The following PLEKHA7 variants were observed in gnomAD, a reference collection of about 807,000 sequenced individuals.
PLEKHA7 encodes the protein pleckstrin homology domain containing A7.
A neutral mutation model predicts 170.0 loss-of-function variants in PLEKHA7; 104 were observed. The observed-to-expected ratio is 0.61, with a 90% CI of 0.52 to 0.72. The LOEUF (loss-of-function observed/expected upper bound fraction) is 0.72, where lower values mean the gene tolerates loss of function less well. Among genes scored for constraint, PLEKHA7 ranks in the 30% least tolerant of loss-of-function variants. PLEKHA7 has a pLI of 0.00. For missense variants in PLEKHA7, 1,615 were observed against 1,671.7 expected (o/e 0.97, Z 0.59); for synonymous variants, 648 against 660.8 (o/e 0.98, Z 0.30).
chr11:16,798,097 T>C (rs1171624846), intron 17 of PLEKHA7, among the ~76,000 whole-genome samples: 1 of 152,246 alleles, frequency 6.6e-6, no homozygotes, highest in East Asian at 1.9e-4. Flanking sequence ...TAGCCTTGAC[T>C]GAAAAGGCTA....
chr11:16,923,740 C>T (rs1859277266), intron 3 of PLEKHA7, among the ~76,000 whole-genome samples: 2 of 152,276 alleles, frequency 1.3e-5, no homozygotes, highest in South Asian at 4.1e-4. Flanking sequence ...CCACCCTATT[C>T]CCCACACTTC....
At chr11:16,865,419 T>C (rs1032305685) in intron 4 of PLEKHA7, among the ~76,000 whole-genome samples, 5 of 152,036 alleles carry the variant, frequency 3.3e-5, no homozygotes, top group African/African-American at 7.2e-5. Flanking sequence ...ACAGAAAAGG[T>C]CAAATGAGAA....
At chr11:16,953,567 G>A (rs963631773) in intron 3 of PLEKHA7, among the ~76,000 whole-genome samples, 3 of 152,130 alleles carry the variant, frequency 2.0e-5, no homozygotes, top group African/African-American at 7.2e-5. Flanking sequence ...TGCTTGACAG[G>A]TAGATTTCAT....
At chr11:16,868,628 C>G (rs1590398518) in intron 4 of PLEKHA7, among the ~76,000 whole-genome samples, 1 of 152,234 alleles carries the variant, frequency 6.6e-6, no homozygotes. Context: ...CTCCCTTCTT[C>G]TCAATGCCTA....
intron 3 of PLEKHA7, among the ~76,000 whole-genome samples, chr11:16,950,094 G>C (rs548324215): frequency 7.3e-6 from 1 of 136,378 alleles, no homozygotes; most frequent in Non-Finnish European, 1.6e-5. Context: ...CGGGGGGCGG[G>C]GGCGGAGCAC....
intron 3 of PLEKHA7, among the ~76,000 whole-genome samples, chr11:16,980,570 G>A (rs998449494): frequency 1.3e-5 from 2 of 152,228 alleles, no homozygotes; most frequent in Admixed American, 6.5e-5. Flanking sequence ...AGAACATGCT[G>A]TTCTTTGAGG....
chr11:16,953,267 C>G (rs770113793), intron 3 of PLEKHA7, among the ~76,000 whole-genome samples: 2 of 152,224 alleles, frequency 1.3e-5, no homozygotes, highest in Non-Finnish European at 2.9e-5. Flanking sequence ...AAACCTTGGT[C>G]TTTTTCACAG....
intron 17 of PLEKHA7, among the ~76,000 whole-genome samples, chr11:16,799,104 G>A (rs1446631618): frequency 1.3e-5 from 2 of 152,166 alleles, no homozygotes; most frequent in Non-Finnish European, 2.9e-5. Flanking sequence ...AATGAGTCTG[G>A]TGTAAATGAG....
chr11:16,917,725 C>G (rs1335456184), intron 3 of PLEKHA7, among the ~76,000 whole-genome samples: 1 of 152,230 alleles, frequency 6.6e-6, no homozygotes, highest in Non-Finnish European at 1.5e-5. Flanking sequence ...TATAAGGTAA[C>G]ATATTCACAG....
intron 4 of PLEKHA7, among the ~76,000 whole-genome samples, chr11:16,868,564 C>G (rs1236755299): frequency 1.3e-5 from 2 of 152,150 alleles, no homozygotes; most frequent in African/African-American, 4.8e-5. Context: ...TCCAGCACAG[C>G]CCCAGACACA....
chr11:16,970,510 T>TA lies in PLEKHA7; in HGVS notation c.221+43478dup, dbSNP rs557801592. ...CCTTGTCTCTGTAAAAAATAAAAAA[T>TA]AAAAAAAATAGCCAGATGTGGTGGT... On this transcript the variant is annotated intron_variant, in intron 3 of 26. Transcript: ENST00000531066. 1.3e-3 allele frequency among the ~76,000 whole-genome samples: 204 copies of TA among 151,270 alleles called. 1 individual carries two copies. Among genetic ancestry groups the TA allele is most frequent in the African/African-American group, 4.8e-3 (199 of 41,234 alleles).
intron 3 of PLEKHA7, among the ~76,000 whole-genome samples, chr11:16,994,662 G>A (rs1317329057): frequency 1.3e-5 from 2 of 152,146 alleles, no homozygotes; most frequent in Non-Finnish European, 2.9e-5. Flanking sequence ...CAGTGTCCTA[G>A]AACACGACAG....
At chr11:16,924,087 T>A (rs992577114) in intron 3 of PLEKHA7, among the ~76,000 whole-genome samples, 9 of 149,782 alleles carry the variant, frequency 6.0e-5, no homozygotes, top group Non-Finnish European at 1.3e-4. Flanking sequence ...GGCTGGGCCC[T>A]TCCACTCCCA....
rs1275271820 is a variant in PLEKHA7 at position 16,864,203 on chromosome 11, C to T, written c.305+6896G>A. 2.6e-5 allele frequency among the ~76,000 whole-genome samples: 4 copies of T among 152,108 alleles called. No homozygotes were observed. In the East Asian group the frequency reaches 5.8e-4, roughly 22 times the overall value. On this transcript the variant is annotated intron_variant, in intron 4 of 26. Transcript: ENST00000531066. ...ACTCCACCACTTACTCTCTGTGTGA[C>T]CTTTGGCAAGACTCTTAACCTCTCT...
rs147096719 is a variant in PLEKHA7, at chr11:16,912,008, T to A, written c.222-40826A>T. Among the ~76,000 whole-genome samples, 80 of 152,296 alleles carry A rather than the reference T, an allele frequency of 5.3e-4. 2 individuals are homozygous for A. The highest frequency in any genetic ancestry group is 1.9e-3 in the African/African-American group (79 of 41,558). On this transcript the variant is annotated intron_variant, in intron 3 of 26. Transcript: ENST00000531066. ...CTTCCCATCAAGCCAATCCCTCACATGAAAGCCCTGATGCAATGCTCTCAT... is the reference window on the plus strand; with the variant it reads ...CTTCCCATCAAGCCAATCCCTCACAAGAAAGCCCTGATGCAATGCTCTCAT...
chr11:16,893,763 G>A (rs1044077400), intron 3 of PLEKHA7, among the ~76,000 whole-genome samples: 7 of 152,218 alleles, frequency 4.6e-5, no homozygotes, highest in African/African-American at 1.7e-4. Flanking sequence ...GGACTGTGCT[G>A]TAAAGTATCA....
At chr11:16,796,318 A>G (rs559264530) in intron 17 of PLEKHA7, among the ~76,000 whole-genome samples, 2 of 152,366 alleles carry the variant, frequency 1.3e-5, no homozygotes, top group South Asian at 2.1e-4. Flanking sequence ...AGTGAATGGA[A>G]TATTAGTTGG....
intron 3 of PLEKHA7, among the ~76,000 whole-genome samples, chr11:16,991,028 C>T (rs1333484832): frequency 6.6e-6 from 1 of 152,108 alleles, no homozygotes; most frequent in Non-Finnish European, 1.5e-5. Context: ...TCAGATAATT[C>T]CCCAGAAGGG....
intron 3 of PLEKHA7, among the ~76,000 whole-genome samples, chr11:16,936,401 CAAA>C (rs57104068): frequency 4.4e-5 from 3 of 68,148 alleles, no homozygotes; most frequent in African/African-American, 1.6e-4. Context: ...GACTCTGTCT[CAAA>C]AAAAAAAAAA....
Sources: allele counts gnomAD v4.1 joint callset (sites outside exome capture counted in the v4.1 genomes callset), GRCh38; gene constraint gnomAD v4.1.1; transcripts MANE v1.5; gene names NCBI Gene and HGNC (gene_info 2026-07-23, HGNC 2026-07-21).